ANKFN1: variants seen among roughly 807,000 people sequenced by gnomAD.
ANKFN1 encodes the protein ankyrin repeat and fibronectin type-III domain-containing protein 1.
Under a neutral mutation model 108.7 loss-of-function variants are expected in ANKFN1, and 74 were observed. The ratio of observed to expected loss-of-function variants is 0.68; its 90% CI spans 0.56 to 0.83. The LOEUF is 0.83. Among genes scored for constraint, ANKFN1 ranks in the 40% least tolerant of loss-of-function variants. The pLI, the probability that ANKFN1 is intolerant of heterozygous loss-of-function variation, is 0.00. For missense variants in ANKFN1, 1,505 were observed against 1,382.3 expected, an observed-to-expected ratio of 1.09 and a Z score of -1.41; for synonymous variants, 547 against 516.2, an observed-to-expected ratio of 1.06 and a Z score of -0.81.
chr17:56,449,075 A>G lies in ANKFN1; in HGVS notation c.1100-4A>G. The G allele has an allele frequency of 8.1e-6, 13 of 1,611,742 alleles. No individual in the cohort carries two copies. The highest frequency in any genetic ancestry group is 1.1e-5 in the Non-Finnish European group (13 of 1,178,170). On this transcript the variant is annotated splice_region_variant and splice_polypyrimidine_tract_variant and intron_variant, in intron 10 of 20. Transcript: ENST00000682825. The stretch of plus-strand genomic sequence containing the variant: ...TCACTATGTTTATTTCTTTTGTTCA[A>G]TAGACTGGAAAGACTATGACGACAG...
intron 4 of ANKFN1, among the ~76,000 whole-genome samples, chr17:56,092,635 C>T (rs1905441779): frequency 6.6e-6 from 1 of 150,942 alleles, no homozygotes; most frequent in South Asian, 2.1e-4. Context: ...AAAACAGCAC[C>T]CATTTATTAG....
chr17:56,515,067 AAC>A lies in ANKFN1; in HGVS notation c.*3800_*3801del, dbSNP rs1464153040. Reference sequence around the variant, plus strand: ...TTACCTTCTCTTGGAGAACTCACTTAACAGCTTAAGTGAGTTCTCCAAGAGAA... The same window carrying A: ...TTACCTTCTCTTGGAGAACTCACTTAAGCTTAAGTGAGTTCTCCAAGAGAA... On this transcript the variant is annotated 3_prime_UTR_variant, in exon 21 of 21. Transcript: ENST00000682825. Among the ~76,000 whole-genome samples the A allele has an allele frequency of 6.2e-4, 94 of 151,876 alleles. No homozygotes were observed. Among genetic ancestry groups the A allele is most frequent in the African/African-American group, 2.2e-3 (92 of 41,440 alleles).
chr17:56,345,778 CT>C (rs2046083820), intron 4 of ANKFN1, among the ~76,000 whole-genome samples: 1 of 151,996 alleles, frequency 6.6e-6, no homozygotes, highest in African/African-American at 2.4e-5. Flanking sequence ...CTTGTAGATT[CT>C]GGATATTAGA....
chr17:56,080,300 A>C (rs138505104), intron 4 of ANKFN1, among the ~76,000 whole-genome samples: 433 of 152,308 alleles, frequency 2.8e-3, no homozygotes, highest in African/African-American at 9.9e-3. Context: ...TTTCCTTCCA[A>C]GTATGTAAGA....
intron 3 of ANKFN1, among the ~76,000 whole-genome samples, chr17:56,324,130 T>C (rs534652442): frequency 1.1e-3 from 167 of 152,252 alleles, no homozygotes; most frequent in African/African-American, 3.6e-3. Context: ...AACTAAGAGA[T>C]ATTCAAAATA....
chr17:56,454,967 T>C (rs2049635779), intron 11 of ANKFN1, among the ~76,000 whole-genome samples: 1 of 152,156 alleles, frequency 6.6e-6, no homozygotes, highest in Admixed American at 6.5e-5. Flanking sequence ...TCCAGTCATG[T>C]AGTAGAGGAG....
intron 1 of ANKFN1, among the ~76,000 whole-genome samples, chr17:56,192,063 A>G (rs905694980): frequency 5.9e-5 from 9 of 152,144 alleles, no homozygotes; most frequent in African/African-American, 1.9e-4. Context: ...TTTCAGCTCA[A>G]TGCAACAGAA....
intron 3 of ANKFN1, among the ~76,000 whole-genome samples, chr17:56,297,119 T>C (rs865836609): frequency 1.3e-5 from 2 of 152,138 alleles, no homozygotes; most frequent in Non-Finnish European, 2.9e-5. Flanking sequence ...GGAAAGGTAA[T>C]GGATGAGAAG....
chr17:56,314,240 T>G (rs1396197394), intron 3 of ANKFN1, among the ~76,000 whole-genome samples: 1 of 152,240 alleles, frequency 6.6e-6, no homozygotes, highest in Non-Finnish European at 1.5e-5. Context: ...TATATTCTTG[T>G]GTAATTCTTT....
chr17:56,245,770 A>G (rs540265432), intron 3 of ANKFN1: 1 of 152,180 alleles, frequency 6.6e-6, no homozygotes, highest in Non-Finnish European at 1.5e-5. Flanking sequence ...GAAACCAGAG[A>G]GTCCTACTTT....
chr17:56,067,471 ACTAC>A (rs1319818368), intron 4 of ANKFN1, among the ~76,000 whole-genome samples: 1 of 152,142 alleles, frequency 6.6e-6, no homozygotes, highest in East Asian at 1.9e-4. Context: ...TGAAGCCTCA[ACTAC>A]CCTTCACCAG....
intron 16 of ANKFN1, among the ~76,000 whole-genome samples, chr17:56,478,065 G>A (rs2050569328): frequency 6.6e-6 from 1 of 152,130 alleles, no homozygotes; most frequent in Non-Finnish European, 1.5e-5. Context: ...GACCTCAGGT[G>A]ATCCATTTGC....
At chr17:56,089,572 G>A (rs1905375950) in intron 4 of ANKFN1, among the ~76,000 whole-genome samples, 1 of 151,344 alleles carries the variant, frequency 6.6e-6, no homozygotes, top group Non-Finnish European at 1.5e-5. Flanking sequence ...GTTATTTTAA[G>A]ATTTGCCAGT....
intron 4 of ANKFN1, among the ~76,000 whole-genome samples, chr17:56,141,860 C>G (rs891916885): frequency 2.6e-5 from 4 of 151,742 alleles, no homozygotes; most frequent in African/African-American, 9.7e-5. Flanking sequence ...AATCAAAAAG[C>G]ACTTCTAACC....
intron 4 of ANKFN1, among the ~76,000 whole-genome samples, chr17:56,138,182 T>A (rs1907701453): frequency 6.6e-6 from 1 of 152,182 alleles, no homozygotes; most frequent in Non-Finnish European, 1.5e-5. Context: ...CTATGATTAC[T>A]CAGTTGAAAA....
At chr17:56,426,135 T>C (rs2048561555) in intron 8 of ANKFN1, among the ~76,000 whole-genome samples, 1 of 152,238 alleles carries the variant, frequency 6.6e-6, no homozygotes, top group Admixed American at 6.5e-5. Context: ...GTCCACATAA[T>C]TCTCTTTCCT....
rs76554064 is a variant in ANKFN1 at position 56,115,444 on chromosome 17, A to G, written c.288+69119A>G. On this transcript the variant is annotated intron_variant, in intron 4 of 12. Coordinates refer to the ANKFN1 transcript ENST00000635860. ...CATCCAGTATATACCAATCATATAAAATTGTTACTCTCACACAATGAAATT... is the reference window on the plus strand; with the variant it reads ...CATCCAGTATATACCAATCATATAAGATTGTTACTCTCACACAATGAAATT... Among the ~76,000 whole-genome samples the G allele has an allele frequency of 1.7e-3, 262 of 152,326 alleles. 8 individuals are homozygous for G. The East Asian group carries it at 0.046, about 27-fold the overall frequency.
intron 8 of ANKFN1, among the ~76,000 whole-genome samples, chr17:56,383,872 G>A (rs1471735626): frequency 1.3e-5 from 2 of 152,194 alleles, no homozygotes; most frequent in Non-Finnish European, 2.9e-5. Context: ...GGACCAGATG[G>A]ATTCACAGCC....
chr17:56,478,081 CCTCCCAAAGTG>C (rs1249823904), intron 16 of ANKFN1, among the ~76,000 whole-genome samples: 2 of 152,174 alleles, frequency 1.3e-5, no homozygotes. Flanking sequence ...TTTGCCTCAG[CCTCCCAAAGTG>C]CTGGGATTAC....
Sources: allele counts gnomAD v4.1 joint callset (sites outside exome capture counted in the v4.1 genomes callset), GRCh38; gene constraint gnomAD v4.1.1; transcripts MANE v1.5; gene names NCBI Gene and HGNC (gene_info 2026-07-23, HGNC 2026-07-21).